Variants in ADGRF5 observed in about 807,000 individuals in gnomAD.
ADGRF5 encodes the protein adhesion G protein-coupled receptor F5.
A neutral mutation model predicts 132.3 loss-of-function variants in ADGRF5; 75 were observed. The observed-to-expected ratio is 0.57, with a 90% CI of 0.47 to 0.69. The LOEUF (loss-of-function observed/expected upper bound fraction) is 0.69. ADGRF5 is among the 30% of genes least tolerant of loss of function. The probability of loss-of-function intolerance (pLI) is 0.00; values close to 1 mark genes in which losing one functional copy is unlikely to be tolerated. For missense variants in ADGRF5, 1,516 were observed against 1,630.6 expected, an observed-to-expected ratio of 0.93 and a Z score of 1.21; for synonymous variants, 629 against 597.6, an observed-to-expected ratio of 1.05 and a Z score of -0.77.
chr6:46,885,194 CA>C (rs55947622), intron 4 of ADGRF5, among the ~76,000 whole-genome samples: 3,674 of 123,780 alleles, frequency 0.03, 48 homozygotes, highest in East Asian at 0.049. Flanking sequence ...GACCCTGTCT[CA>C]AAAAAAAAAA....
chr6:46,891,459 C>T (rs766751376), intron 3 of ADGRF5, among the ~76,000 whole-genome samples: 1 of 152,234 alleles, frequency 6.6e-6, no homozygotes, highest in African/African-American at 2.4e-5. Context: ...AGAGGGTTCA[C>T]TACCTCCAGG....
intron 4 of ADGRF5, among the ~76,000 whole-genome samples, chr6:46,886,345 T>C (rs1337886785): frequency 6.6e-6 from 1 of 152,220 alleles, no homozygotes; most frequent in African/African-American, 2.4e-5. Context: ...ACAAAGAAGC[T>C]GAGTGCCCGC....
chr6:46,878,504 G>T, intron 9 of ADGRF5, 99 bp from the exon 10 acceptor site: 2 of 735,244 alleles, frequency 2.7e-6, no homozygotes, highest in South Asian at 3.6e-5. Flanking sequence ...ACTTCATGAA[G>T]TATCATTTTC....
At chr6:46,856,184 G>A (rs542987821) in intron 19 of ADGRF5, 126 bp from the exon 20 acceptor site, 7 of 624,446 alleles carry the variant, frequency 1.1e-5, no homozygotes, top group Non-Finnish European at 1.7e-5. Flanking sequence ...CCCACTCCCA[G>A]AGGTCACATT....
rs2150780225 is a variant in ADGRF5 at position 46,858,949 on chromosome 6, C to G, written c.2954G>C (p.Cys985Ser). The change falls in exon 17 of 21, where the codon TGT (cysteine) becomes TCT (serine). Residue 985 changes from cysteine to serine, a missense_variant. Physicochemically the swap from Cys to Ser is moderately radical, Grantham distance 112. Coordinates refer to ENST00000283296, the MANE Select transcript of ADGRF5 (RefSeq NM_001098518.2). ...GAATGATGTTAGGTGGTCACAGATA[C>G]AGGTGACATTGTCCCCATCACCTTC... ...VEEGDGDNVT[C>S]ICDHLTSFSI... 1.2e-6 allele frequency: 2 copies of G among 1,612,384 alleles called. No individual in the cohort carries two copies. Among genetic ancestry groups the G allele is most frequent in the Non-Finnish European group, 1.7e-6 (2 of 1,178,392 alleles).
intron 10 of ADGRF5, among the ~76,000 whole-genome samples, chr6:46,877,290 T>C (rs1318049500): frequency 2.6e-4 from 11 of 42,718 alleles, no homozygotes; most frequent in Non-Finnish European, 1.0e-4. Flanking sequence ...TTTCTTTCTT[T>C]CTCTCTCTCT....
At chr6:46,931,159 G>T (rs558479877) in intron 1 of ADGRF5, among the ~76,000 whole-genome samples, 1 of 152,196 alleles carries the variant, frequency 6.6e-6, no homozygotes, top group African/African-American at 2.4e-5. Context: ...TGATAGGCCT[G>T]CCCCTTCTTC....
chr6:46,877,834 C>T (rs1016254820), intron 10 of ADGRF5, among the ~76,000 whole-genome samples: 1 of 152,150 alleles, frequency 6.6e-6, no homozygotes, highest in African/African-American at 2.4e-5. Context: ...CAAGTCAGAC[C>T]TCAATGACAA....
intron 1 of ADGRF5, among the ~76,000 whole-genome samples, chr6:46,934,998 CTTTTTTT>C (rs56982002): frequency 1.2e-5 from 1 of 86,706 alleles, no homozygotes; most frequent in Non-Finnish European, 2.1e-5. Flanking sequence ...GGTGATAGTT[CTTTTTTT>C]TTTTTTTTTT....
intron 1 of ADGRF5, among the ~76,000 whole-genome samples, chr6:46,945,101 C>T (rs1396153640): frequency 6.6e-6 from 1 of 152,180 alleles, no homozygotes; most frequent in Non-Finnish European, 1.5e-5. Context: ...ACCATGGCAA[C>T]CCCACCTCAG....
At position 46,901,907 on chromosome 6, in the gene ADGRF5, T is replaced by C. The variant is rs116541689; in HGVS notation, c.103-1824A>G. ...CAGATGTCCGCAATTTACCACTCCA[T>C]GTAAGGTTTACCTGTTCCCCTCGCT... is the stretch of plus-strand genomic sequence containing the variant. On this transcript the variant is annotated intron_variant, in intron 2 of 20. Transcript: ENST00000283296. Among the ~76,000 whole-genome samples the C allele has an allele frequency of 8.2e-3, 1,252 of 152,224 alleles. 21 individuals carry two copies. The highest frequency in any genetic ancestry group is 0.028 in the African/African-American group (1,180 of 41,524).
chr6:46,905,822 C>T (rs749619182), intron 2 of ADGRF5, among the ~76,000 whole-genome samples: 10 of 152,036 alleles, frequency 6.6e-5, no homozygotes, highest in Non-Finnish European at 1.3e-4. Flanking sequence ...GAAACAATAA[C>T]AGCAAACAGT....
intron 4 of ADGRF5, among the ~76,000 whole-genome samples, chr6:46,887,432 T>C (rs1773168790): frequency 6.6e-6 from 1 of 152,154 alleles, no homozygotes. Context: ...ATAATGCACA[T>C]TGGCATCCAA....
chr6:46,933,655 C>T (rs977956080), intron 1 of ADGRF5, among the ~76,000 whole-genome samples: 1 of 152,180 alleles, frequency 6.6e-6, no homozygotes, highest in Non-Finnish European at 1.5e-5. Flanking sequence ...GTGGCTGCTA[C>T]TGCAATTCAA....
Position 46,921,372 on chromosome 6 carries a change from T to C in ADGRF5, c.-25+341A>G, listed in dbSNP as rs568345152. Among the ~76,000 whole-genome samples, 36 of 152,158 alleles carry C rather than the reference T, an allele frequency of 2.4e-4. No individual in the cohort carries two copies. In the South Asian group the frequency reaches 7.0e-3, roughly 30 times the overall value. ...GCAAGAGCAGCAGCTCAGTAGCTCA[T>C]GAATGCACTGGTTTTTATAGTATTT... On this transcript the variant is annotated intron_variant, in intron 1 of 20. Transcript: ENST00000283296.
chr6:46,856,958 T>C (rs1769126572), intron 17 of ADGRF5, 50 bp from the exon 18 acceptor site: 1 of 1,419,032 alleles, frequency 7.0e-7, no homozygotes, highest in African/African-American at 1.4e-5. Context: ...TAGTCTATTG[T>C]CCAGCAAAGG....
rs755786774 is a variant in ADGRF5 at position 46,860,732 on chromosome 6, TTAC to T, written c.2359_2361del (p.Val787del). The T allele has an allele frequency of 2.5e-6, 4 of 1,612,376 alleles. No homozygotes were observed. The highest frequency in any genetic ancestry group is 3.4e-6 in the Non-Finnish European group (4 of 1,179,014). On this transcript the variant is annotated inframe_deletion, in exon 16 of 21. Transcript: ENST00000283296. ...AAACTCACCGTCATCATTTCTGAAT[TTAC>T]TTGGGTTGGAACTGTTGAGAGCAGA...
chr6:46,863,159 G>T (rs1354935131), intron 14 of ADGRF5, 63 bp from the exon 15 acceptor site: 1 of 1,248,756 alleles, frequency 8.0e-7, no homozygotes, highest in South Asian at 1.2e-5. Context: ...GTAGAAATAC[G>T]GTCAGGCCAA....
intron 1 of ADGRF5, among the ~76,000 whole-genome samples, chr6:46,941,989 C>A (rs1300591564): frequency 6.6e-6 from 1 of 152,132 alleles, no homozygotes; most frequent in Non-Finnish European, 1.5e-5. Flanking sequence ...GAAGTGATGA[C>A]CACAGTCAAG....
Sources: allele counts gnomAD v4.1 joint callset (sites outside exome capture counted in the v4.1 genomes callset), GRCh38; gene constraint gnomAD v4.1.1; transcripts MANE v1.5; gene names NCBI Gene and HGNC (gene_info 2026-07-23, HGNC 2026-07-21).